Variants in ADARB2 observed in about 807,000 individuals in gnomAD.
ADARB2 encodes adenosine deaminase RNA specific B2 (inactive).
ADARB2 carries 25 observed loss-of-function variants against 62.2 expected under a neutral mutation model. The observed-to-expected ratio is 0.40, with a 90% CI of 0.29 to 0.56. ADARB2 has a LOEUF of 0.56. ADARB2 is among the 20% of genes least tolerant of loss of function. ADARB2 has a pLI of 0.43. For missense variants in ADARB2, 1,071 were observed against 1,077.4 expected (o/e 0.99, Z 0.08); for synonymous variants, 572 against 500.8 (o/e 1.14, Z -1.90).
At chr10:1,292,341 G>C (rs1301039608) in intron 3 of ADARB2, 1 of 152,194 alleles carries the variant, frequency 6.6e-6, no homozygotes, top group South Asian at 2.1e-4. Flanking sequence ...AAATTTAAAA[G>C]TTGCATATAT....
At chr10:1,708,958 A>C (rs1394558597) in intron 1 of ADARB2, among the ~76,000 whole-genome samples, 5 of 152,162 alleles carry the variant, frequency 3.3e-5, no homozygotes, top group Admixed American at 1.3e-4. Context: ...CGCAAGACAC[A>C]CCTGAGGTAA....
chr10:1,711,106 G>A (rs769268983), intron 1 of ADARB2, among the ~76,000 whole-genome samples: 1 of 152,128 alleles, frequency 6.6e-6, no homozygotes, highest in Non-Finnish European at 1.5e-5. Flanking sequence ...CAATGGCCAG[G>A]GACACGGGTA....
At chr10:1,694,512 G>A (rs951819467) in intron 1 of ADARB2, among the ~76,000 whole-genome samples, 1 of 151,488 alleles carries the variant, frequency 6.6e-6, no homozygotes, top group African/African-American at 2.4e-5. Context: ...ACAACCGGTG[G>A]CACTTCCTTC....
At chr10:1,358,735 A>T (rs1007498615) in intron 3 of ADARB2, among the ~76,000 whole-genome samples, 1 of 152,098 alleles carries the variant, frequency 6.6e-6, no homozygotes, top group Non-Finnish European at 1.5e-5. Flanking sequence ...TGAGTGTGGG[A>T]GAGTGCGGGG....
chr10:1,464,160 G>A (rs2813417), intron 1 of ADARB2, among the ~76,000 whole-genome samples: 217 of 123,972 alleles, frequency 1.8e-3, no homozygotes, highest in African/African-American at 6.6e-3. Context: ...CGCGCGGGGG[G>A]CAGTCACAGC....
intron 1 of ADARB2, among the ~76,000 whole-genome samples, chr10:1,420,790 C>T (rs191451601): frequency 2.4e-3 from 359 of 152,234 alleles, no homozygotes; most frequent in African/African-American, 8.3e-3. Flanking sequence ...GATTAACGCC[C>T]GCCCAGGGCT....
At chr10:1,680,108 G>A (rs531634302) in intron 1 of ADARB2, among the ~76,000 whole-genome samples, 5 of 151,494 alleles carry the variant, frequency 3.3e-5, no homozygotes, top group African/African-American at 1.2e-4. Context: ...TGTGTAACCC[G>A]CCACTCATAC....
Position 1,573,156 on chromosome 10 carries a change from C to T in ADARB2, c.100+163895G>A, listed in dbSNP as rs143242055. On this transcript the variant is annotated intron_variant, in intron 1 of 9. Coordinates refer to ENST00000381312, the MANE Select transcript of ADARB2 (RefSeq NM_018702.4). The stretch of plus-strand genomic sequence containing the variant: ...GCATCTGCTGACGTTTGTTTGGAGG[C>T]AGACAGTGGCTCTGTGTGCTTGTCT... Among the ~76,000 whole-genome samples the T allele has an allele frequency of 4.6e-5, 7 of 152,332 alleles. No homozygotes were observed. The East Asian group carries it at 1.4e-3, about 29-fold the overall frequency.
At chr10:1,714,587 T>C (rs1834993196) in intron 1 of ADARB2, among the ~76,000 whole-genome samples, 1 of 152,216 alleles carries the variant, frequency 6.6e-6, no homozygotes, top group African/African-American at 2.4e-5. Flanking sequence ...CTAACTCCCT[T>C]CTTATGTTTC....
chr10:1,556,979 C>T, intron 1 of ADARB2: 1 of 391,316 alleles, frequency 2.6e-6, no homozygotes. Flanking sequence ...ACAATTTTCA[C>T]CTCCAGGAAT....
At chr10:1,186,647 C>T (rs754177070) in intron 8 of ADARB2, 11 of 488,692 alleles carry the variant, frequency 2.3e-5, no homozygotes, top group South Asian at 7.4e-5. Flanking sequence ...CCTGAGTTCT[C>T]GGGGGCCCGT....
rs144948161 is a variant in ADARB2, at chr10:1,293,208, G to GAGGGAGAGAGGGAC, written c.1078-22140_1078-22139insGTCCCTCTCTCCCT. On this transcript the variant is annotated intron_variant, in intron 3 of 9. Transcript: ENST00000381312. Reference sequence around the variant, plus strand: ...GAAAGACAGGAATAGAAAAAAGAGGGAGGGAGGGAGAGAGGGACGGGGAGG... The same window carrying GAGGGAGAGAGGGAC: ...GAAAGACAGGAATAGAAAAAAGAGGGAGGGAGAGAGGGACAGGGAGGGAGAGAGGGACGGGGAGG... Among the ~76,000 whole-genome samples the GAGGGAGAGAGGGAC allele has an allele frequency of 2.8e-3, 293 of 105,760 alleles. 4 individuals carry two copies. The highest frequency in any genetic ancestry group is 0.015 in the African/African-American group (271 of 17,884). 69.4% of individuals were successfully genotyped at this position (105,760 alleles called of 152,430 possible). A position where few individuals can be genotyped will look rare whatever the true frequency, so the allele number is the denominator to read the frequency against.
At chr10:1,659,135 C>T (rs571304707) in intron 1 of ADARB2, among the ~76,000 whole-genome samples, 13 of 31,318 alleles carry the variant, frequency 4.2e-4, no homozygotes, top group African/African-American at 1.9e-3. Context: ...ATAAAGTAGG[C>T]CTGTCAGGTG....
chr10:1,725,253 G>A (rs1835148611), intron 1 of ADARB2, among the ~76,000 whole-genome samples: 1 of 152,188 alleles, frequency 6.6e-6, no homozygotes, highest in African/African-American at 2.4e-5. Flanking sequence ...TGTGAGTAAA[G>A]GGGCACGTCC....
intron 4 of ADARB2, among the ~76,000 whole-genome samples, chr10:1,266,697 A>G (rs946090796): frequency 6.6e-6 from 1 of 152,138 alleles, no homozygotes; most frequent in Non-Finnish European, 1.5e-5. Flanking sequence ...TATTCAGACG[A>G]GAGCCATCAG....
At chr10:1,209,570 A>G (rs72761001) in intron 7 of ADARB2, among the ~76,000 whole-genome samples, 44,178 of 112,938 alleles carry the variant, frequency 0.39, 7,401 homozygotes, top group African/African-American at 0.45. Flanking sequence ...CACCCACATC[A>G]TCACCCACAC....
intron 8 of ADARB2, among the ~76,000 whole-genome samples, chr10:1,189,453 A>G (rs11250323): frequency 0.58 from 88,162 of 151,878 alleles, 26,492 homozygotes; most frequent in Middle Eastern, 0.73. Context: ...AGTTGTGGAT[A>G]GAGCCAGACA....
intron 3 of ADARB2, among the ~76,000 whole-genome samples, chr10:1,345,659 G>C (rs1832074685): frequency 6.6e-6 from 1 of 152,222 alleles, no homozygotes; most frequent in African/African-American, 2.4e-5. Flanking sequence ...CTCTGATAGT[G>C]AGGACAGCAC....
chr10:1,517,164 C>T (rs1395539468), intron 1 of ADARB2, among the ~76,000 whole-genome samples: 3 of 152,068 alleles, frequency 2.0e-5, no homozygotes, highest in South Asian at 4.2e-4. Flanking sequence ...AGACGTGGCC[C>T]CTGAAAGTAA....
Sources: allele counts gnomAD v4.1 joint callset (sites outside exome capture counted in the v4.1 genomes callset), GRCh38; gene constraint gnomAD v4.1.1; transcripts MANE v1.5; gene names NCBI Gene and HGNC (gene_info 2026-07-23, HGNC 2026-07-21).